The following ENOX2 variants were observed in gnomAD, a reference collection of about 807,000 sequenced individuals.
ENOX2 encodes the protein ecto-NOX disulfide-thiol exchanger 2.
A neutral mutation model predicts 45.0 loss-of-function variants in ENOX2; 36 were observed. The ratio of observed to expected loss-of-function variants is 0.80; its 90% CI spans 0.61 to 1.06. The LOEUF is 1.06. ENOX2 is among the 50% of genes least tolerant of loss of function. The probability of loss-of-function intolerance (pLI) is 0.00; values close to 1 mark genes in which losing one functional copy is unlikely to be tolerated. For missense variants in ENOX2, 423 were observed against 462.5 expected, an observed-to-expected ratio of 0.91 and a Z score of 0.78; for synonymous variants, 174 against 152.3, an observed-to-expected ratio of 1.14 and a Z score of -1.05.
chrX:130,833,005 G>A (rs2077863075), intron 2 of ENOX2, among the ~76,000 whole-genome samples: 1 of 84,830 alleles, frequency 1.2e-5, no homozygotes, highest in East Asian at 4.1e-4. Context: ...AAGTATTCAT[G>A]TATAATCACA....
intron 3 of ENOX2, among the ~76,000 whole-genome samples, chrX:130,751,966 C>A (rs1482267395): frequency 1.8e-5 from 2 of 111,528 alleles, no homozygotes; most frequent in African/African-American, 6.5e-5. Flanking sequence ...GGATACTATA[C>A]CCTTACCAGA....
At position 130,810,161 on chromosome X, in the gene ENOX2, T is replaced by C. The variant is rs551224420; in HGVS notation, c.-182-26471A>G. Among the ~76,000 whole-genome samples the C allele has an allele frequency of 1.5e-4, 17 of 110,629 alleles. No homozygotes were observed. In the South Asian group the frequency reaches 5.6e-3, roughly 36 times the overall value. ...GAGGAGGGAAGTGAGCACCAGACGT[T>C]ACCTTGGACCCCAACACCAGGCTGC... On this transcript the variant is annotated intron_variant, in intron 2 of 14. Coordinates refer to ENST00000394363, the MANE Select transcript of ENOX2 (RefSeq NM_006375.4).
chrX:130,815,339 A>G (rs1454680755), intron 2 of ENOX2, among the ~76,000 whole-genome samples: 1 of 112,405 alleles, frequency 8.9e-6, no homozygotes, highest in Non-Finnish European at 1.9e-5. Flanking sequence ...GATATTATCC[A>G]GGAGAACTTC....
At chrX:130,805,625 C>T (rs2077285906) in intron 2 of ENOX2, among the ~76,000 whole-genome samples, 1 of 111,062 alleles carries the variant, frequency 9.0e-6, no homozygotes, top group African/African-American at 3.3e-5. Flanking sequence ...TACACACCAC[C>T]ATATGTCATA....
intron 3 of ENOX2, among the ~76,000 whole-genome samples, chrX:130,776,366 G>T (rs1012834899): frequency 5.4e-5 from 6 of 111,451 alleles, no homozygotes; most frequent in African/African-American, 2.0e-4. Flanking sequence ...AATGTTGGAG[G>T]TGGGGCCTGG....
At chrX:130,762,645 T>C (rs982537152) in intron 3 of ENOX2, among the ~76,000 whole-genome samples, 1 of 112,276 alleles carries the variant, frequency 8.9e-6, no homozygotes, top group Non-Finnish European at 1.9e-5. Context: ...TGTTTAGTTT[T>C]CAAGTCTTTG....
intron 3 of ENOX2, among the ~76,000 whole-genome samples, chrX:130,735,485 C>G (rs777710683): frequency 1.2e-4 from 13 of 111,849 alleles, no homozygotes; most frequent in African/African-American, 3.6e-4. Context: ...ACCTCCTGGT[C>G]CCTCTGGTTC....
chrX:130,847,619 C>T (rs1226468351), intron 2 of ENOX2, among the ~76,000 whole-genome samples: 1 of 112,043 alleles, frequency 8.9e-6, no homozygotes, highest in Non-Finnish European at 1.9e-5. Flanking sequence ...AAAGAAGAAT[C>T]TATGTACATC....
intron 2 of ENOX2, among the ~76,000 whole-genome samples, chrX:130,851,995 A>T (rs188426968): frequency 1.8e-5 from 2 of 112,108 alleles, no homozygotes; most frequent in African/African-American, 6.5e-5. Flanking sequence ...TCCAATTTTC[A>T]ATTTACCACC....
intron 3 of ENOX2, among the ~76,000 whole-genome samples, chrX:130,725,135 C>G (rs1435124084): frequency 3.6e-5 from 4 of 111,256 alleles, no homozygotes; most frequent in Non-Finnish European, 7.5e-5. Context: ...TTAACATACT[C>G]CCCTTATTCT....
intron 10 of ENOX2, among the ~76,000 whole-genome samples, chrX:130,649,244 C>T (rs1271979653): frequency 9.4e-6 from 1 of 106,544 alleles, no homozygotes; most frequent in Non-Finnish European, 1.9e-5. Flanking sequence ...TCAAATAAAC[C>T]TTTTTTCTTT....
intron 2 of ENOX2, among the ~76,000 whole-genome samples, chrX:130,803,386 T>C (rs1446672331): frequency 8.9e-6 from 1 of 112,040 alleles, no homozygotes; most frequent in Middle Eastern, 4.6e-3. Flanking sequence ...TTTGTTAAAA[T>C]ACATGTTACT....
intron 2 of ENOX2, among the ~76,000 whole-genome samples, chrX:130,843,420 G>C (rs764576669): frequency 2.7e-5 from 3 of 111,810 alleles, no homozygotes; most frequent in African/African-American, 9.7e-5. Context: ...GTTGCAGACA[G>C]AGTAATCCTT....
chrX:130,694,103 C>CCCAAATT (rs2037688211), intron 4 of ENOX2, among the ~76,000 whole-genome samples: 1 of 111,779 alleles, frequency 8.9e-6, no homozygotes, highest in South Asian at 3.8e-4. Flanking sequence ...CTCAGTCCTA[C>CCCAAATT]CCAAATTCCT....
chrX:130,667,451 G>A (rs2036862909), intron 8 of ENOX2, 79 bp downstream of exon 8: 1 of 903,096 alleles, frequency 1.1e-6, no homozygotes, highest in African/African-American at 1.9e-5. Flanking sequence ...TGGCTCTGGA[G>A]GCCTGAGCTC....
Position 130,719,783 on chromosome X carries a change from G to A in ENOX2, c.-38-16529C>T, listed in dbSNP as rs766573280. 1.7e-4 allele frequency among the ~76,000 whole-genome samples: 19 copies of A among 112,499 alleles called. No homozygotes were observed. The South Asian group carries it at 4.1e-3, about 24-fold the overall frequency. On this transcript the variant is annotated intron_variant, in intron 3 of 14. Transcript: ENST00000394363. ...AATAAAGCTGAGTGATAAAATCCAC[G>A]ACCATTCTCAAATTGGACTTGGCAA...
intron 2 of ENOX2, among the ~76,000 whole-genome samples, chrX:130,847,125 G>A (rs952072613): frequency 9.0e-6 from 1 of 111,160 alleles, no homozygotes; most frequent in African/African-American, 3.3e-5. Context: ...AATCTCTGGG[G>A]TGAGTTCAGC....
intron 5 of ENOX2, among the ~76,000 whole-genome samples, chrX:130,686,311 G>A (rs773579987): frequency 9.0e-6 from 1 of 110,499 alleles, no homozygotes; most frequent in African/African-American, 3.3e-5. Flanking sequence ...GTGAGTTACC[G>A]TGAGATATGG....
At chrX:130,635,479 A>C (rs12862116) in intron 11 of ENOX2, among the ~76,000 whole-genome samples, 2,306 of 112,087 alleles carry the variant, frequency 0.021, 44 homozygotes, top group Admixed American at 0.082. Context: ...AGCCAAGTTC[A>C]ATTTCTGTGA....
Sources: gnomAD v4.1 joint callset for allele counts (sites outside exome capture counted in the v4.1 genomes callset) on GRCh38, gnomAD v4.1.1 for gene constraint, MANE v1.5 for transcripts, NCBI Gene and HGNC (gene_info 2026-07-23, HGNC 2026-07-21) for gene names.